KIF23: variants seen among roughly 807,000 people sequenced by gnomAD.
KIF23 encodes the protein kinesin family member 23.
In KIF23, 30 loss-of-function variants were observed where a neutral mutation model predicts 137.5. The observed-to-expected ratio is 0.22, with a 90% CI of 0.16 to 0.30. KIF23 has a LOEUF of 0.30. Ranked by LOEUF, KIF23 falls within the 10% of genes least tolerant of loss-of-function variation. The pLI, the probability that KIF23 is intolerant of heterozygous loss-of-function variation, is 1.00. For synonymous variants in KIF23, 367 were observed against 391.1 expected (o/e 0.94, Z 0.73); for missense variants, 920 against 1,194.3 (o/e 0.77, Z 3.38).
intron 6 of KIF23, chr15:69,422,865 A>G: frequency 6.6e-6 from 2 of 302,994 alleles, no homozygotes; most frequent in Non-Finnish European, 1.2e-5. Context: ...CAGTGGCATG[A>G]TCTCGGCTCA....
At chr15:69,435,799 G>C (rs1273949751) in intron 13 of KIF23, 28 bp downstream of exon 13, 1 of 1,599,402 alleles carries the variant, frequency 6.3e-7, no homozygotes, top group African/African-American at 1.4e-5. Context: ...GTCCTATAAA[G>C]TCTTGAGTTT....
At chr15:69,436,377 C>T in intron 14 of KIF23, 116 bp downstream of exon 14, 1 of 1,366,962 alleles carries the variant, frequency 7.3e-7, no homozygotes, top group African/African-American at 1.5e-5. Context: ...GAACCAAGCA[C>T]ATAATAATTT....
intron 11 of KIF23, among the ~76,000 whole-genome samples, chr15:69,434,103 A>T (rs1337309212): frequency 6.6e-6 from 1 of 152,244 alleles, no homozygotes; most frequent in Non-Finnish European, 1.5e-5. Flanking sequence ...TTTGGGAAAC[A>T]CTGATCTGGA....
chr15:69,435,310 GAA>G (rs1290697204), intron 11 of KIF23, among the ~76,000 whole-genome samples, 171 bp from the exon 12 acceptor site: 1 of 152,132 alleles, frequency 6.6e-6, no homozygotes, highest in Non-Finnish European at 1.5e-5. Flanking sequence ...TACTGCTATT[GAA>G]AGAGAGCCTG....
chr15:69,442,264 G>A (rs947899394), intron 19 of KIF23, among the ~76,000 whole-genome samples: 1 of 151,908 alleles, frequency 6.6e-6, no homozygotes, highest in Non-Finnish European at 1.5e-5. Flanking sequence ...TTAATCTTGA[G>A]GCATTTATCT....
chr15:69,426,498 A>C (rs770251646), intron 10 of KIF23, 41 bp downstream of exon 10: 1 of 1,595,238 alleles, frequency 6.3e-7, no homozygotes, highest in East Asian at 2.2e-5. Context: ...TTCTAACTCT[A>C]TCCTTAATTT....
rs750388701 is a variant in KIF23 at position 69,421,756 on chromosome 15, T to C, written c.316+4T>C. 3.8e-6 allele frequency: 6 copies of C among 1,586,624 alleles called. No individual in the cohort carries two copies. Among genetic ancestry groups the C allele is most frequent in the Non-Finnish European group, 5.2e-6 (6 of 1,156,630 alleles). On this transcript the variant is annotated splice_donor_region_variant and intron_variant, in intron 4 of 23. Coordinates refer to ENST00000679126, the MANE Select transcript of KIF23 (RefSeq NM_001367805.3). ...GACCTCATTCATGGCAAAAATGGTA[T>C]GATATGACTCTTGGAGTTTTGTTAG...
rs1403966173 is a variant in KIF23 at position 69,444,036 on chromosome 15, C to G, written c.2422-754C>G. The G allele has an allele frequency of 3.3e-5, 5 of 152,066 alleles. No homozygotes were observed. The highest frequency in any genetic ancestry group is 7.3e-5 in the Non-Finnish European group (5 of 68,046). The allele number at this position is 152,066 out of a possible 1,614,324, so 9.4% of individuals were successfully genotyped here. Reference sequence around the variant, plus strand: ...TGTTGCCTAGGCTGAACTTGAACTTCTGAGTTCAAGTGATTCCTCCACCTC... The same window carrying G: ...TGTTGCCTAGGCTGAACTTGAACTTGTGAGTTCAAGTGATTCCTCCACCTC... On this transcript the variant is annotated intron_variant, in intron 19 of 23. Coordinates refer to ENST00000679126, the MANE Select transcript of KIF23 (RefSeq NM_001367805.3). This position sits in a 1 kb window ranked among gnomAD's most constrained non-coding sequence, Gnocchi z 4.2.
At chr15:69,429,866 C>A (rs1052929207) in intron 11 of KIF23, among the ~76,000 whole-genome samples, 1 of 151,876 alleles carries the variant, frequency 6.6e-6, no homozygotes, top group African/African-American at 2.4e-5. Context: ...ACAAAAAATA[C>A]AAAAAATTAG....
intron 23 of KIF23, 41 bp downstream of exon 23, chr15:69,446,982 T>C: frequency 6.6e-7 from 1 of 1,509,166 alleles, no homozygotes; most frequent in Non-Finnish European, 9.2e-7. Context: ...GTGTGCTTTT[T>C]TCCTCCTCTG....
rs757679515 is a variant in KIF23 at position 69,446,863 on chromosome 15, CCT to C, written c.2839-4_2839-3del. ...CTGATCTTTTTCCTCTTGTCATTTT[CCT>C]CTCAGTGTTCTGTGGCTGTGGAGAT... is the stretch of plus-strand genomic sequence containing the variant. On this transcript the variant is annotated splice_polypyrimidine_tract_variant and splice_region_variant and intron_variant, in intron 22 of 23. Transcript: ENST00000679126. The C allele has an allele frequency of 4.3e-6, 7 of 1,613,596 alleles. No individual in the cohort carries two copies. The highest frequency in any genetic ancestry group is 4.2e-6 in the Non-Finnish European group (5 of 1,179,676).
Position 69,440,813 on chromosome 15 carries a change from A to T in KIF23, c.2155A>T (p.Met719Leu). The stretch of plus-strand genomic sequence containing the variant: ...TCAGATTTCCAACGGCCAGCAACTC[A>T]TGAGCCAGCCACAGCTACATAGGCG... ...IAQISNGQQL[M>L]SQPQLHRRSN... is the part of the protein sequence containing the mutation. The change falls in exon 19 of 24, where the codon ATG becomes TTG. Residue 719 changes from methionine (M) to leucine (L), a missense_variant. Physicochemically the swap from Met to Leu is conservative, Grantham distance 15. Coordinates refer to ENST00000679126, the MANE Select transcript of KIF23 (RefSeq NM_001367805.3). The T allele has an allele frequency of 1.2e-6, 2 of 1,613,172 alleles. No individual in the cohort carries two copies. The highest frequency in any genetic ancestry group is 2.2e-5 in the South Asian group (2 of 91,082).
intron 22 of KIF23, 190 bp downstream of exon 22, chr15:69,446,554 C>A: frequency 1.6e-6 from 1 of 628,450 alleles, no homozygotes; most frequent in Non-Finnish European, 2.8e-6. Context: ...AAGTGTTATT[C>A]CTGAGGAGAA....
rs947568192 is a variant in KIF23, at chr15:69,446,459, C to T, written c.2838+95C>T. 3.5e-5 allele frequency: 34 copies of T among 970,316 alleles called. No individual in the cohort carries two copies. In the South Asian group the frequency reaches 3.9e-4, roughly 11 times the overall value. The allele number at this position is 970,316 out of a possible 1,614,324, so 60.1% of individuals were successfully genotyped here. On this transcript the variant is annotated intron_variant, in intron 22 of 23. Coordinates refer to ENST00000679126, the MANE Select transcript of KIF23 (RefSeq NM_001367805.3). The stretch of plus-strand genomic sequence containing the variant: ...TAGATTTTTATGCTCTTTGAAAATG[C>T]TGAGGTATAATCTCACATTGCCAGT...
At chr15:69,447,187 C>T (rs1383371449) in intron 23 of KIF23, among the ~76,000 whole-genome samples, 2 of 152,198 alleles carry the variant, frequency 1.3e-5, no homozygotes, top group Non-Finnish European at 2.9e-5. Flanking sequence ...ATTGGTGGCT[C>T]ATGTTCATAT....
At chr15:69,436,420 T>C in intron 14 of KIF23, 144 bp from the exon 15 acceptor site, 2 of 1,211,420 alleles carry the variant, frequency 1.7e-6, no homozygotes, top group Non-Finnish European at 2.3e-6. Flanking sequence ...TTTTGCATAC[T>C]ATGATTCTTA....
chr15:69,424,170 T>C (rs557143098), intron 7 of KIF23, among the ~76,000 whole-genome samples: 3 of 152,344 alleles, frequency 2.0e-5, no homozygotes, highest in African/African-American at 7.2e-5. Flanking sequence ...GAAGAATTTA[T>C]GGACTCTGGT....
intron 20 of KIF23, among the ~76,000 whole-genome samples, chr15:69,445,616 C>T (rs2057724743): frequency 6.6e-6 from 1 of 150,802 alleles, no homozygotes; most frequent in Non-Finnish European, 1.5e-5. Context: ...TAATTAGCTA[C>T]AAATAAGACT....
chr15:69,441,272 A>G (rs749910519), intron 19 of KIF23, among the ~76,000 whole-genome samples, 193 bp downstream of exon 19: 20 of 152,200 alleles, frequency 1.3e-4, no homozygotes, highest in African/African-American at 4.8e-4. Context: ...GCCTAAACAC[A>G]TCTGGCAGCG....
Sources: allele counts gnomAD v4.1 joint callset (sites outside exome capture counted in the v4.1 genomes callset), GRCh38; gene constraint gnomAD v4.1.1; non-coding constraint Gnocchi (gnomAD v3.1); transcripts MANE v1.5; gene names NCBI Gene and HGNC (gene_info 2026-07-23, HGNC 2026-07-21).